Variants in ARHGAP22 observed in about 807,000 individuals in gnomAD.
The protein encoded by ARHGAP22 is Rho GTPase activating protein 22.
A neutral mutation model predicts 59.1 loss-of-function variants in ARHGAP22; 48 were observed. The observed-to-expected ratio is 0.81, with a 90% CI of 0.64 to 1.03. The LOEUF (loss-of-function observed/expected upper bound fraction) is 1.03. Ranked by LOEUF, ARHGAP22 falls within the 50% of genes least tolerant of loss-of-function variation. The pLI, the probability that ARHGAP22 is intolerant of heterozygous loss-of-function variation, is 0.00. For missense variants in ARHGAP22, 1,015 were observed against 958.7 expected (o/e 1.06, Z -0.78); for synonymous variants, 445 against 416.4 (o/e 1.07, Z -0.84).
intron 3 of ARHGAP22, among the ~76,000 whole-genome samples, chr10:48,485,682 G>A (rs1189662915): frequency 1.3e-5 from 2 of 152,102 alleles, no homozygotes; most frequent in African/African-American, 2.4e-5. Context: ...AGCTGTTATG[G>A]AGCATAAATA....
intron 3 of ARHGAP22, among the ~76,000 whole-genome samples, chr10:48,507,575 A>G (rs573404073): frequency 6.6e-6 from 1 of 152,224 alleles, no homozygotes; most frequent in African/African-American, 2.4e-5. Flanking sequence ...AGGCACACAG[A>G]GTGAAAAGTG....
intron 2 of ARHGAP22, among the ~76,000 whole-genome samples, chr10:48,575,822 C>T (rs2058675949): frequency 1.3e-5 from 2 of 152,334 alleles, no homozygotes; most frequent in Non-Finnish European, 1.5e-5. Flanking sequence ...CTGCTTCTTC[C>T]AAGGCCCCCA....
At chr10:48,489,798 A>G (rs996958554) in intron 3 of ARHGAP22, among the ~76,000 whole-genome samples, 1 of 149,344 alleles carries the variant, frequency 6.7e-6, no homozygotes, top group African/African-American at 2.5e-5. Context: ...CAGTGGTGCA[A>G]TCTTGGCTCA....
intron 4 of ARHGAP22, among the ~76,000 whole-genome samples, chr10:48,462,826 C>T (rs146822568): frequency 1.1e-4 from 16 of 152,226 alleles, no homozygotes; most frequent in Non-Finnish European, 1.9e-4. Context: ...CTGCCAGGGA[C>T]AGCTGTGAGA....
At chr10:48,609,557 CTT>C (rs1475764960), upstream of ARHGAP22, among the ~76,000 whole-genome samples, 1 of 152,192 alleles carries the variant, frequency 6.6e-6, no homozygotes. Flanking sequence ...GAGAAATTAA[CTT>C]ATACTGTATT....
downstream of ARHGAP22, among the ~76,000 whole-genome samples, chr10:48,441,421 CAGAAG>C (rs59878178): frequency 0.5 from 75,178 of 149,590 alleles, 19,380 homozygotes; most frequent in Middle Eastern, 0.72. Flanking sequence ...ACTGAGGGAT[CAGAAG>C]AGTTCAAAGG....
chr10:48,494,526 C>T (rs111495146), intron 3 of ARHGAP22, among the ~76,000 whole-genome samples: 9 of 152,196 alleles, frequency 5.9e-5, no homozygotes, highest in African/African-American at 9.6e-5. Context: ...ATCTGCCCAT[C>T]TCCCCCATTT....
intron 3 of ARHGAP22, among the ~76,000 whole-genome samples, chr10:48,503,314 G>A (rs1001585826): frequency 1.6e-4 from 24 of 152,216 alleles, no homozygotes; most frequent in African/African-American, 5.5e-4. Flanking sequence ...GACCTGGAGG[G>A]AATAACGGAT....
chr10:48,444,201 G>GAGTCT (rs2045269719), downstream of ARHGAP22: 1 of 152,176 alleles, frequency 6.6e-6, no homozygotes, highest in Admixed American at 6.5e-5. Context: ...TGTAATTCAT[G>GAGTCT]AGTCTACTTC....
At position 48,451,159 on chromosome 10, in the gene ARHGAP22, G is replaced by A; in HGVS notation, c.989-19C>T. ...GAAGTGCCTGCCGGGAAGAGAGGCG[G>A]AGAAGGGCCTTGCTGCCAGCCACTC... On this transcript the variant is annotated intron_variant, in intron 8 of 9. Transcript: ENST00000249601. The A allele has an allele frequency of 6.4e-7, 1 of 1,550,762 alleles. No individual in the cohort carries two copies. The highest frequency in any genetic ancestry group is 8.7e-7 in the Non-Finnish European group (1 of 1,147,064).
At chr10:48,591,618 G>A (rs1173677306) in intron 1 of ARHGAP22, among the ~76,000 whole-genome samples, 1 of 152,112 alleles carries the variant, frequency 6.6e-6, no homozygotes. Flanking sequence ...GAGGCTGTGA[G>A]TAATCCTAAG....
Position 48,523,923 on chromosome 10 carries a change from A to G in ARHGAP22, c.322+31540T>C, listed in dbSNP as rs2054069315. 1.2e-5 allele frequency: 8 copies of G among 651,866 alleles called. No homozygotes were observed. The Admixed American group carries it at 2.7e-4, about 22-fold the overall frequency. 40.4% of individuals were successfully genotyped at this position (651,866 alleles called of 1,614,324 possible). On this transcript the variant is annotated intron_variant, in intron 3 of 9. Coordinates refer to ENST00000249601, the MANE Select transcript of ARHGAP22 (RefSeq NM_021226.4). ...GGAGACTCAGAGGAGCAGCAGCCGC[A>G]CCTGAGCCCTTTCCAAAGCTGAGGC...
rs562523564 is a variant in ARHGAP22 at position 48,451,330 on chromosome 10, G to A, written c.989-190C>T. 8.7e-4 allele frequency: 714 copies of A among 825,112 alleles called. 11 individuals are homozygous for A. The South Asian group carries it at 9.8e-3, about 11-fold the overall frequency. The allele number at this position is 825,112 out of a possible 1,614,324, so 51.1% of individuals were successfully genotyped here. A position where few individuals can be genotyped will look rare whatever the true frequency, so the allele number is the denominator to read the frequency against. On this transcript the variant is annotated intron_variant, in intron 8 of 9. Transcript: ENST00000249601. ...CCTCCAACTCCAGGCAGGACAGCAG[G>A]ATGGGGCCGCAGAACCGCCTTCCTC...
At chr10:48,638,856 G>GA (rs2061931128) in intron 1 of ARHGAP22, among the ~76,000 whole-genome samples, 1 of 151,856 alleles carries the variant, frequency 6.6e-6, no homozygotes, top group African/African-American at 2.4e-5. Flanking sequence ...TGGGAAACTT[G>GA]AAAAAAAGAA....
intron 3 of ARHGAP22, among the ~76,000 whole-genome samples, chr10:48,501,167 C>T (rs981368778): frequency 1.5e-4 from 23 of 152,050 alleles, no homozygotes; most frequent in Non-Finnish European, 2.9e-5. Context: ...TACTTTATGC[C>T]CAGATTTGTT....
intron 3 of ARHGAP22, among the ~76,000 whole-genome samples, chr10:48,502,406 C>T (rs1459167683): frequency 6.6e-6 from 1 of 152,190 alleles, no homozygotes; most frequent in Non-Finnish European, 1.5e-5. Context: ...CAGAACTTTC[C>T]CTTCTCCATT....
At chr10:48,562,291 A>G (rs2057741938) in intron 2 of ARHGAP22, among the ~76,000 whole-genome samples, 2 of 42,202 alleles carry the variant, frequency 4.7e-5, no homozygotes, top group Admixed American at 1.7e-4. Context: ...CCGCTCCTAC[A>G]TATACCCAAG....
chr10:48,475,923 C>T (rs2048676455), intron 4 of ARHGAP22, among the ~76,000 whole-genome samples: 1 of 152,218 alleles, frequency 6.6e-6, no homozygotes, highest in Non-Finnish European at 1.5e-5. Flanking sequence ...GCCACACTGG[C>T]CTCCTTGCTG....
At chr10:48,592,759 C>T (rs984728717) in intron 1 of ARHGAP22, among the ~76,000 whole-genome samples, 18 of 152,340 alleles carry the variant, frequency 1.2e-4, no homozygotes, top group African/African-American at 4.1e-4. Context: ...GAACCCACTC[C>T]TCCCAGGGTT....
Sources: gnomAD v4.1 joint callset for allele counts (sites outside exome capture counted in the v4.1 genomes callset) on GRCh38, gnomAD v4.1.1 for gene constraint, MANE v1.5 for transcripts, NCBI Gene and HGNC (gene_info 2026-07-23, HGNC 2026-07-21) for gene names.